DMXL1: variants seen among roughly 807,000 people sequenced by gnomAD.
DMXL1 encodes the protein Dmx like 1.
In DMXL1, 99 loss-of-function variants were observed where a neutral mutation model predicts 319.2. The ratio of observed to expected loss-of-function variants is 0.31; its 90% CI spans 0.26 to 0.37. The LOEUF (loss-of-function observed/expected upper bound fraction) is 0.37. Ranked by LOEUF, DMXL1 falls within the 10% of genes least tolerant of loss-of-function variation. The pLI is 1.00. For missense variants in DMXL1, 3,745 were observed against 3,595.6 expected, an observed-to-expected ratio of 1.04 and a Z score of -1.06; for synonymous variants, 1,385 against 1,235.2, an observed-to-expected ratio of 1.12 and a Z score of -2.54.
chr5:119,125,576 T>G (rs1385698234), intron 9 of DMXL1, among the ~76,000 whole-genome samples: 4 of 152,162 alleles, frequency 2.6e-5, no homozygotes, highest in African/African-American at 9.7e-5. Context: ...TTATTGTTAT[T>G]ATTTTTGAGA....
At chr5:119,082,086 T>C (rs1420341692) in intron 1 of DMXL1, among the ~76,000 whole-genome samples, 2 of 150,838 alleles carry the variant, frequency 1.3e-5, no homozygotes, top group Non-Finnish European at 3.0e-5. Flanking sequence ...CTTAGAATGT[T>C]TTATAAAATC....
chr5:119,087,809 AT>A (rs547881745), intron 1 of DMXL1, among the ~76,000 whole-genome samples: 29 of 148,740 alleles, frequency 1.9e-4, no homozygotes, highest in Middle Eastern at 3.4e-3. Flanking sequence ...TATTTTTATT[AT>A]TTTTTTTTTG....
Position 119,237,335 on chromosome 5 carries a change from A to T in DMXL1, c.8480A>T (p.Asp2827Val). ...TCTTTCTCTAAGTTTGGAATAGTTG[A>T]TGCTGATGGATATTTAAGTTTGTAT... Reference protein sequence around the residue: ...NYQGNKFGIVDADGYLSLYQT... With the variant: ...NYQGNKFGIVVADGYLSLYQT... The change falls in exon 40 of 44, where the codon GAT becomes GTT. Residue 2827 changes from aspartate (D) to valine (V), a missense_variant. Coordinates refer to ENST00000539542, the MANE Select transcript of DMXL1 (RefSeq NM_001290321.3). The T allele has an allele frequency of 6.3e-7, 1 of 1,588,790 alleles. No individual in the cohort carries two copies. Among genetic ancestry groups the T allele is most frequent in the Non-Finnish European group, 8.6e-7 (1 of 1,161,946 alleles).
chr5:119,120,305 T>C (rs940100453), intron 8 of DMXL1, among the ~76,000 whole-genome samples: 8 of 152,248 alleles, frequency 5.3e-5, no homozygotes, highest in African/African-American at 1.9e-4. Context: ...CAGAATATAA[T>C]AAATTCTGTA....
rs547191571 is a variant in DMXL1, at chr5:119,091,448, G to A, written c.88-6531G>A. On this transcript the variant is annotated intron_variant, in intron 1 of 43. Transcript: ENST00000539542. Reference sequence around the variant, plus strand: ...CCTGGTTTCAAACTCCTAGGCTCAAGGGATCCTCCTGTTTTGGCCTCCCAG... The same window carrying A: ...CCTGGTTTCAAACTCCTAGGCTCAAAGGATCCTCCTGTTTTGGCCTCCCAG... Among the ~76,000 whole-genome samples the A allele has an allele frequency of 2.0e-5, 3 of 152,284 alleles. No homozygotes were observed. In the East Asian group the frequency reaches 5.8e-4, roughly 29 times the overall value.
At chr5:119,153,324 G>T (rs1403649546) in intron 19 of DMXL1, among the ~76,000 whole-genome samples, 2 of 152,128 alleles carry the variant, frequency 1.3e-5, no homozygotes, top group African/African-American at 2.4e-5. Context: ...CATTAAAATT[G>T]TATGTATTTA....
In DMXL1 at chr5:119,177,461, A is replaced by G. The variant is rs1300069751; in HGVS notation, c.6863A>G (p.Asn2288Ser). ...TGSLDEALTP[N>S]TSPAQWPGIT... Reference sequence around the variant, plus strand: ...AGCTTAGATGAAGCATTAACTCCCAATACGTCACCAGCTCAATGGCCAGGT... The same window carrying G: ...AGCTTAGATGAAGCATTAACTCCCAGTACGTCACCAGCTCAATGGCCAGGT... The change falls in exon 27 of 44, where the codon AAT becomes AGT. Residue 2288 changes from asparagine to serine, a missense_variant. Asn to Ser is a conservative substitution (Grantham distance 46). Around this residue, in one of 4 missense-constraint regions of DMXL1, gnomAD observed 1,382 missense variants for 1,269.5 expected, o/e 1.09. Coordinates refer to ENST00000539542, the MANE Select transcript of DMXL1 (RefSeq NM_001290321.3). 1.9e-6 allele frequency: 3 copies of G among 1,607,616 alleles called. No homozygotes were observed. The highest frequency in any genetic ancestry group is 1.3e-5 in the African/African-American group (1 of 74,730).
At chr5:119,075,773 C>G (rs1165887593) in intron 1 of DMXL1, among the ~76,000 whole-genome samples, 1 of 151,794 alleles carries the variant, frequency 6.6e-6, no homozygotes, top group African/African-American at 2.4e-5. Context: ...TTATGTTGCC[C>G]AGGCTGATGT....
chr5:119,234,196 C>T (rs1400418853), intron 39 of DMXL1, among the ~76,000 whole-genome samples: 1 of 152,106 alleles, frequency 6.6e-6, no homozygotes, highest in Non-Finnish European at 1.5e-5. Flanking sequence ...TTATGTTAGA[C>T]AGCAATCTTT....
rs200950710 is a variant in DMXL1 at position 119,201,813 on chromosome 5, AG to A, written c.7746-1504del. On this transcript the variant is annotated intron_variant, in intron 32 of 43. Transcript: ENST00000539542. ...CAGTCTTGGGAGGGTGTATGTGTCC[AG>A]GAATTTATCCATCTCTTGTAGGTTT... 3.9e-3 allele frequency among the ~76,000 whole-genome samples: 596 copies of A among 152,302 alleles called. 10 individuals are homozygous for A. Among genetic ancestry groups the A allele is most frequent in the South Asian group, 0.026 (125 of 4,820 alleles).
chr5:119,208,525 A>G (rs1782154051), intron 34 of DMXL1, among the ~76,000 whole-genome samples: 4 of 152,138 alleles, frequency 2.6e-5, no homozygotes, highest in Non-Finnish European at 4.4e-5. Flanking sequence ...CATATCAGGA[A>G]TTCTTATACA....
intron 1 of DMXL1, among the ~76,000 whole-genome samples, chr5:119,077,720 A>G (rs1239973460): frequency 9.5e-5 from 13 of 137,074 alleles, no homozygotes; most frequent in Admixed American, 7.2e-4. Flanking sequence ...ACTTAAAAAT[A>G]TATGTATGTG....
intron 40 of DMXL1, 55 bp from the exon 41 acceptor site, chr5:119,238,934 T>G: frequency 6.2e-7 from 1 of 1,600,132 alleles, no homozygotes. Flanking sequence ...TACATTTACC[T>G]GGTTATGACA....
At position 119,149,378 on chromosome 5, in the gene DMXL1, C is replaced by T. The variant is rs1561724957; in HGVS notation, c.3551C>T (p.Pro1184Leu). Residue 1184 changes from proline (P) to leucine (L), a missense_variant, in exon 18 of 44, where the codon CCT becomes CTT. Coordinates refer to ENST00000539542, the MANE Select transcript of DMXL1 (RefSeq NM_001290321.3). ...ACTGGTAAGGAAACCCTGGCATTTC[C>T]TCTCTGGGAGAGTACCAAAGTTGTG... ...DQTGKETLAF[P>L]LWESTKVVPL... The T allele has an allele frequency of 1.2e-6, 2 of 1,613,906 alleles. No homozygotes were observed. Among genetic ancestry groups the T allele is most frequent in the African/African-American group, 1.3e-5 (1 of 75,010 alleles).
chr5:119,229,024 C>G (rs1374494616), intron 38 of DMXL1, among the ~76,000 whole-genome samples: 1 of 150,928 alleles, frequency 6.6e-6, no homozygotes, highest in Non-Finnish European at 1.5e-5. Context: ...CTTGATAAAA[C>G]AAAATCTCGG....
At chr5:119,072,865 G>C (rs796930688) in intron 1 of DMXL1, among the ~76,000 whole-genome samples, 49 of 152,234 alleles carry the variant, frequency 3.2e-4, no homozygotes, top group African/African-American at 1.0e-3. Flanking sequence ...GGAAAAGAGT[G>C]AGCTCTGAGG....
intron 1 of DMXL1, among the ~76,000 whole-genome samples, chr5:119,075,719 C>CT (rs947606798): frequency 2.1e-5 from 3 of 145,224 alleles, no homozygotes; most frequent in Admixed American, 6.7e-5. Context: ...GAAATCTGGT[C>CT]TTTTTTAAAA....
chr5:119,173,776 G>GTGTGTGTATATATATATA lies in DMXL1; in HGVS notation c.6682-1484_6682-1483insGTGTGTATATATATATAT. Among the ~76,000 whole-genome samples the GTGTGTGTATATATATATA allele has an allele frequency of 7.6e-4, 51 of 67,168 alleles. No homozygotes were observed. In the East Asian group the frequency reaches 0.01, roughly 13 times the overall value. 44.1% of individuals were successfully genotyped at this position (67,168 alleles called of 152,430 possible). On this transcript the variant is annotated intron_variant, in intron 25 of 43. Transcript: ENST00000539542. ...TGTGTATATATATATATGTGTGTGT[G>GTGTGTGTATATATATATA]TATATATATATATATATATATAATG...
At chr5:119,179,300 T>A (rs1776382810) in intron 28 of DMXL1, among the ~76,000 whole-genome samples, 1 of 114,084 alleles carries the variant, frequency 8.8e-6, no homozygotes, top group Admixed American at 9.8e-5. Flanking sequence ...ATGTTAAATG[T>A]TTTTCCAAAA....
Sources: allele counts gnomAD v4.1 joint callset (sites outside exome capture counted in the v4.1 genomes callset), GRCh38; gene constraint gnomAD v4.1.1; regional missense constraint gnomAD v4.1.1; transcripts MANE v1.5; gene names NCBI Gene and HGNC (gene_info 2026-07-23, HGNC 2026-07-21).